Variants in CDHR4 observed in about 807,000 individuals in gnomAD.
CDHR4 encodes the protein cadherin-related family member 4.
In CDHR4, 89 loss-of-function variants were observed where a neutral mutation model predicts 88.4. The ratio of observed to expected loss-of-function variants is 1.01; its 90% confidence interval spans 0.85 to 1.20. The LOEUF (loss-of-function observed/expected upper bound fraction) is 1.20, where lower values mean the gene tolerates loss of function less well. Ranked by LOEUF, CDHR4 falls within the 50% of genes most tolerant of loss-of-function variation. The probability of loss-of-function intolerance (pLI) is 0.00; values close to 1 mark genes in which losing one functional copy is unlikely to be tolerated. For synonymous variants in CDHR4, 368 were observed against 399.2 expected, an observed-to-expected ratio of 0.92 and a Z score of 0.93; for missense variants, 914 against 1,007.2, an observed-to-expected ratio of 0.91 and a Z score of 1.25.
chr3:49,791,788 C>G lies in CDHR4; in HGVS notation c.2209G>C (p.Glu737Gln). The G allele has an allele frequency of 6.4e-7, 1 of 1,551,714 alleles. No individual in the cohort carries two copies. Among genetic ancestry groups the G allele is most frequent in the Non-Finnish European group, 8.7e-7 (1 of 1,147,002 alleles). ...TCCAGGAAACCCTCGATGGATCCCTCAGTTCCCTGGATGCTGGGGCAAAGT... is the reference window on the plus strand; with the variant it reads ...TCCAGGAAACCCTCGATGGATCCCTGAGTTCCCTGGATGCTGGGGCAAAGT... Reference protein sequence around the residue: ...ALLLNSIQGTEGSIEGFLEAP... With the variant: ...ALLLNSIQGTQGSIEGFLEAP... The change falls in exon 17 of 19, where the codon GAG becomes CAG. Residue 737 changes from glutamate (E) to glutamine (Q), a missense_variant. By Grantham distance (29) the Glu-to-Gln change is conservative (BLOSUM62 2). Coordinates refer to ENST00000412678, the MANE Select transcript of CDHR4 (RefSeq NM_001007540.4).
rs747751297 is a variant in CDHR4 at position 49,793,204 on chromosome 3, A to G, written c.1731T>C (p.Pro577=). 2.6e-6 allele frequency: 4 copies of G among 1,551,670 alleles called. No individual in the cohort carries two copies. In the South Asian group the frequency reaches 4.8e-5, roughly 18 times the overall value. ...AGTAGATCAGGCGCTGTGGCTCCTG[A>G]GGGATCTGGCATGACATCTTGGTCA... ...VEVTKMSCQI[P]QEPQRLIYSY... is the part of the protein sequence containing the mutation. The change falls in exon 13 of 19, where the codon CCT becomes CCC. Residue 577 remains proline (P), a synonymous_variant. Coordinates refer to ENST00000412678, the MANE Select transcript of CDHR4 (RefSeq NM_001007540.4).
At chr3:49,791,997 G>A in intron 15 of CDHR4, 38 bp from the exon 16 acceptor site, 1 of 1,547,046 alleles carries the variant, frequency 6.5e-7, no homozygotes, top group Admixed American at 2.0e-5. Flanking sequence ...AGTGAGGGCA[G>A]CAGGCCTACT....
intron 4 of CDHR4, among the ~76,000 whole-genome samples, chr3:49,797,368 T>C (rs1302730338): frequency 1.3e-5 from 2 of 151,798 alleles, no homozygotes; most frequent in Non-Finnish European, 2.9e-5. Context: ...AACCTCCACT[T>C]ACTGGGTTCA....
chr3:49,796,290 T>C (rs1425817658), intron 5 of CDHR4, among the ~76,000 whole-genome samples: 1 of 152,176 alleles, frequency 6.6e-6, no homozygotes. Flanking sequence ...ATCTGAATCA[T>C]TGACAATGTG....
At chr3:49,794,058 C>T in intron 10 of CDHR4, 52 bp from the exon 11 acceptor site, 1 of 1,523,394 alleles carries the variant, frequency 6.6e-7, no homozygotes, top group Non-Finnish European at 8.9e-7. Flanking sequence ...TATCCCTGAA[C>T]TGGGGGTCTG....
At chr3:49,797,426 G>A (rs537473408) in intron 4 of CDHR4, among the ~76,000 whole-genome samples, 1 of 150,792 alleles carries the variant, frequency 6.6e-6, no homozygotes, top group African/African-American at 2.4e-5. Context: ...TTACATGCCT[G>A]TGCCACCACA....
intron 18 of CDHR4, among the ~76,000 whole-genome samples, 153 bp downstream of exon 18, chr3:49,791,288 G>A (rs1367179304): frequency 6.6e-6 from 1 of 152,130 alleles, no homozygotes; most frequent in Non-Finnish European, 1.5e-5. Context: ...AAGAGTGAGC[G>A]GGGATGAGAG....
At chr3:49,794,073 G>T in intron 10 of CDHR4, 67 bp from the exon 11 acceptor site, 2 of 1,467,508 alleles carry the variant, frequency 1.4e-6, no homozygotes, top group Non-Finnish European at 9.3e-7. Flanking sequence ...GGTCTGAGGA[G>T]GGAGACAGGG....
chr3:49,794,695 C>G lies in CDHR4; in HGVS notation c.1192G>C (p.Ala398Pro). 6.4e-7 allele frequency: 1 copy of G among 1,550,732 alleles called. No individual in the cohort carries two copies. The highest frequency in any genetic ancestry group is 8.7e-7 in the Non-Finnish European group (1 of 1,146,474). The change falls in exon 10 of 19, where the codon GCC becomes CCC. Residue 398 changes from alanine (A) to proline (P), a missense_variant. Transcript: ENST00000412678. ...CLYDRVLEVNATLDCDTPGAC... is the reference protein window; with the variant it reads ...CLYDRVLEVNPTLDCDTPGAC... ...CCAGGAGTGTCACAGTCCAGTGTGGCATTCACCTAGCCAAAGGGGCTAGAA... is the reference window on the plus strand; with the variant it reads ...CCAGGAGTGTCACAGTCCAGTGTGGGATTCACCTAGCCAAAGGGGCTAGAA...
chr3:49,801,455 C>T (rs1304313128), upstream of CDHR4, among the ~76,000 whole-genome samples: 2 of 152,218 alleles, frequency 1.3e-5, no homozygotes, highest in Non-Finnish European at 2.9e-5. Context: ...CATCCATTCA[C>T]TCACTATGCC....
At position 49,798,803 on chromosome 3, in the gene CDHR4, A is replaced by G. The variant is rs541694421; in HGVS notation, c.495+23T>C. 1.7e-5 allele frequency: 27 copies of G among 1,608,678 alleles called. No individual in the cohort carries two copies. The African/African-American group carries it at 3.2e-4, about 19-fold the overall frequency. The stretch of plus-strand genomic sequence containing the variant: ...TCCCCCCACCCCCATCCTGTCACCC[A>G]CCGTCCCATGTTCTGGGCTTACCTG... On this transcript the variant is annotated intron_variant, in intron 4 of 18. Coordinates refer to ENST00000412678, the MANE Select transcript of CDHR4 (RefSeq NM_001007540.4).
At chr3:49,801,566 T>C (rs142763995), upstream of CDHR4, among the ~76,000 whole-genome samples, 138 of 152,328 alleles carry the variant, frequency 9.1e-4, 2 homozygotes, top group East Asian at 0.011. Flanking sequence ...AACAGGCATC[T>C]CAAGGGTTAC....
In CDHR4 at chr3:49,794,676, G is replaced by A. The variant is rs2081240588; in HGVS notation, c.1211C>T (p.Thr404Ile). The change falls in exon 10 of 19, where the codon ACT (threonine) becomes ATT (isoleucine). Residue 404 changes from threonine (T) to isoleucine (I), a missense_variant. Physicochemically the swap from Thr to Ile is moderately conservative, Grantham distance 89. Transcript: ENST00000412678. ...TGCATGCTGGAAGCAGGCTCCAGGA[G>A]TGTCACAGTCCAGTGTGGCATTCAC... is the stretch of plus-strand genomic sequence containing the variant. ...LEVNATLDCD[T>I]PGACFQHAAS... The A allele has an allele frequency of 1.3e-6, 2 of 1,551,318 alleles. No homozygotes were observed.
intron 12 of CDHR4, 43 bp downstream of exon 12, chr3:49,793,540 G>C: frequency 6.5e-7 from 1 of 1,547,482 alleles, no homozygotes; most frequent in South Asian, 1.2e-5. Context: ...CTGAACTCCT[G>C]TCTTTCCAAG....
intron 15 of CDHR4, among the ~76,000 whole-genome samples, chr3:49,792,265 T>C (rs565771090): frequency 5.3e-5 from 8 of 152,344 alleles, no homozygotes; most frequent in Admixed American, 1.3e-4. Context: ...GACTGGATTC[T>C]GCCGGTGATG....
At chr3:49,800,762 T>C (rs1268977946), upstream of CDHR4, among the ~76,000 whole-genome samples, 2 of 151,856 alleles carry the variant, frequency 1.3e-5, no homozygotes, top group Non-Finnish European at 2.9e-5. Flanking sequence ...TATGTCAGTT[T>C]TTTTAAGTTT....
chr3:49,790,969 A>G (rs1164763386), intron 18 of CDHR4, 82 bp from the exon 19 acceptor site: 71 of 1,127,534 alleles, frequency 6.3e-5, no homozygotes, highest in Non-Finnish European at 8.8e-5. Context: ...ACTTAAGGGT[A>G]GGAGATTATT....
At chr3:49,791,546 G>A in intron 17 of CDHR4, 78 bp from the exon 18 acceptor site, 5 of 1,518,960 alleles carry the variant, frequency 3.3e-6, no homozygotes, top group Non-Finnish European at 4.4e-6. Context: ...TGCCCCTAGG[G>A]GGCCAGAAGC....
At position 49,793,193 on chromosome 3, in the gene CDHR4, T is replaced by C. The variant is rs1230342195; in HGVS notation, c.1742A>G (p.Gln581Arg). The C allele has an allele frequency of 5.8e-6, 9 of 1,551,690 alleles. No individual in the cohort carries two copies. In the South Asian group the frequency reaches 9.5e-5, roughly 16 times the overall value. Residue 581 changes from glutamine to arginine, a missense_variant, in exon 13 of 19, where the codon CAG (glutamine) becomes CGG (arginine). Gln to Arg is a conservative substitution (Grantham distance 43). Transcript: ENST00000412678. ...KMSCQIPQEP[Q>R]RLIYSYSIVG... Reference sequence around the variant, plus strand: ...GATGCTATAGGAGTAGATCAGGCGCTGTGGCTCCTGAGGGATCTGGCATGA... The same window carrying C: ...GATGCTATAGGAGTAGATCAGGCGCCGTGGCTCCTGAGGGATCTGGCATGA...
Sources: allele counts gnomAD v4.1 joint callset (sites outside exome capture counted in the v4.1 genomes callset), GRCh38; gene constraint gnomAD v4.1.1; transcripts MANE v1.5; gene names NCBI Gene and HGNC (gene_info 2026-07-23, HGNC 2026-07-21).